ANKRD30A: variants seen among roughly 807,000 people sequenced by gnomAD.
The protein encoded by ANKRD30A is ankyrin repeat domain-containing protein 30A.
Under a neutral mutation model 166.3 loss-of-function variants are expected in ANKRD30A, and 170 were observed. The observed-to-expected ratio is 1.02, with a 90% CI of 0.90 to 1.16. The LOEUF is 1.16. Among genes scored for constraint, ANKRD30A ranks in the 50% most tolerant of loss-of-function variants. The probability of loss-of-function intolerance (pLI) is 0.00; values close to 1 mark genes in which losing one functional copy is unlikely to be tolerated. For synonymous variants in ANKRD30A, 564 were observed against 508.9 expected (o/e 1.11, Z -1.46); for missense variants, 1,630 against 1,518.0 (o/e 1.07, Z -1.23).
At chr10:37,259,670 T>C in the ANKRD30A span, among the ~76,000 whole-genome samples, 2 of 152,144 alleles carry the variant, frequency 1.3e-5, no homozygotes, top group South Asian at 2.1e-4. Flanking sequence ...TGAAAATAAA[T>C]AAACTATGGC....
chr10:37,237,616 A>G, the ANKRD30A span, among the ~76,000 whole-genome samples: 13 of 152,184 alleles, frequency 8.5e-5, no homozygotes, highest in African/African-American at 2.7e-4. Context: ...AAGAAAAAAA[A>G]AGTCAGTGTA....
chr10:37,229,596 T>TCCTC (rs1355098708), intron 34 of ANKRD30A, among the ~76,000 whole-genome samples: 1 of 151,936 alleles, frequency 6.6e-6, no homozygotes, highest in African/African-American at 2.4e-5. Flanking sequence ...CCAGAACTCA[T>TCCTC]CCTCCTATCT....
the ANKRD30A span, among the ~76,000 whole-genome samples, chr10:37,243,057 G>A: frequency 6.6e-6 from 1 of 150,972 alleles, no homozygotes; most frequent in South Asian, 2.1e-4. Flanking sequence ...ACTAGTAATT[G>A]TATAAATATT....
chr10:37,156,134 C>T (rs951915271), intron 13 of ANKRD30A, among the ~76,000 whole-genome samples: 5 of 151,298 alleles, frequency 3.3e-5, no homozygotes, highest in African/African-American at 7.3e-5. Flanking sequence ...TTTAATTAGA[C>T]GCTATTCATG....
At chr10:37,196,134 G>T (rs1221503814) in intron 27 of ANKRD30A, among the ~76,000 whole-genome samples, 2 of 141,054 alleles carry the variant, frequency 1.4e-5, no homozygotes, top group African/African-American at 5.4e-5. Context: ...ATTCTAGGCA[G>T]GTAACAGGGG....
chr10:37,183,809 A>G (rs1179940329), intron 24 of ANKRD30A, among the ~76,000 whole-genome samples: 2 of 148,188 alleles, frequency 1.3e-5, no homozygotes, highest in African/African-American at 4.9e-5. Flanking sequence ...ATTGTCAACC[A>G]CATTACTTTA....
chr10:37,142,409 A>G, intron 7 of ANKRD30A, 119 bp downstream of exon 7: 1 of 878,472 alleles, frequency 1.1e-6, no homozygotes, highest in Non-Finnish European at 1.7e-6. Context: ...GAGCTTAGGC[A>G]ACACTTTTTA....
intron 13 of ANKRD30A, 76 bp downstream of exon 13, chr10:37,153,738 A>T (rs564796978): frequency 6.4e-7 from 1 of 1,569,124 alleles, no homozygotes; most frequent in South Asian, 1.2e-5. Context: ...ATCCTCTAGT[A>T]GCTGAAGAAA....
At chr10:37,126,973 G>A (rs1311850755) in intron 1 of ANKRD30A, among the ~76,000 whole-genome samples, 1 of 139,960 alleles carries the variant, frequency 7.1e-6, no homozygotes, top group East Asian at 2.2e-4. Flanking sequence ...CTTGAACCCG[G>A]TAGGCGGAGA....
At chr10:37,224,000 G>A (rs1486459326) in intron 34 of ANKRD30A, among the ~76,000 whole-genome samples, 1 of 151,024 alleles carries the variant, frequency 6.6e-6, no homozygotes, top group Non-Finnish European at 1.5e-5. Flanking sequence ...TTAAAACTGA[G>A]ATACAAGTTT....
At chr10:37,201,088 G>GTT (rs5784545) in intron 30 of ANKRD30A, 147 bp from the exon 31 acceptor site, 113 of 498,732 alleles carry the variant, frequency 2.3e-4, no homozygotes, top group Non-Finnish European at 3.1e-4. Context: ...CTATTAAAAT[G>GTT]TTTTTTTTTA....
chr10:37,154,842 A>G (rs1349639472), intron 13 of ANKRD30A, among the ~76,000 whole-genome samples: 1 of 152,184 alleles, frequency 6.6e-6, no homozygotes, highest in Non-Finnish European at 1.5e-5. Flanking sequence ...TACTGGAATC[A>G]TGAGGATTAC....
At chr10:37,159,088 G>A (rs912698492) in intron 15 of ANKRD30A, among the ~76,000 whole-genome samples, 12 of 152,048 alleles carry the variant, frequency 7.9e-5, no homozygotes, top group African/African-American at 2.4e-5. Flanking sequence ...ATGACTCTTT[G>A]CTAGACATAG....
intron 25 of ANKRD30A, among the ~76,000 whole-genome samples, chr10:37,192,595 C>G (rs1273297296): frequency 6.6e-6 from 1 of 152,014 alleles, no homozygotes; most frequent in Non-Finnish European, 1.5e-5. Context: ...AACTCCAGGA[C>G]AAATTGAAGA....
chr10:37,233,379 A>G (rs552646732), downstream of ANKRD30A, among the ~76,000 whole-genome samples: 27 of 152,280 alleles, frequency 1.8e-4, no homozygotes, highest in African/African-American at 6.3e-4. Context: ...GTTAGTCATG[A>G]TGCACATATG....
the ANKRD30A span, among the ~76,000 whole-genome samples, chr10:37,247,637 C>T: frequency 1.0e-3 from 153 of 150,824 alleles, 1 homozygote; most frequent in Middle Eastern, 6.9e-3. Context: ...TTTGGGAGGC[C>T]GAGGCGGGCA....
At chr10:37,213,556 C>CTT (rs397965588) in intron 31 of ANKRD30A, among the ~76,000 whole-genome samples, 31 of 132,536 alleles carry the variant, frequency 2.3e-4, no homozygotes, top group African/African-American at 7.2e-4. Flanking sequence ...TCTTCTTCTT[C>CTT]TTTTTTTTTT....
At chr10:37,136,542 G>T in intron 5 of ANKRD30A, 65 bp from the exon 6 acceptor site, 1 of 705,752 alleles carries the variant, frequency 1.4e-6, no homozygotes, top group Non-Finnish European at 2.3e-6. Context: ...TAATAAATTT[G>T]GTAAATGTTT....
In ANKRD30A at chr10:37,219,564, A is replaced by C. The variant is rs1485681911; in HGVS notation, c.3852A>C (p.Ala1284=). Residue 1284 remains alanine (A), a synonymous_variant, in exon 34 of 36, where the codon GCA becomes GCC. Transcript: ENST00000361713. ...AAAATACATTGGTTTCAGAACATGC[A>C]CAAAGAGACCAACGTGAAACACAGT... The part of the protein sequence containing the change: ...LRENTLVSEH[A]QRDQRETQCQ... The C allele has an allele frequency of 1.2e-6, 2 of 1,610,428 alleles. No individual in the cohort carries two copies. The highest frequency in any genetic ancestry group is 1.7e-6 in the Non-Finnish European group (2 of 1,177,742).
Sources: allele counts gnomAD v4.1 joint callset (sites outside exome capture counted in the v4.1 genomes callset), GRCh38; gene constraint gnomAD v4.1.1; transcripts MANE v1.5; gene names NCBI Gene and HGNC (gene_info 2026-07-23, HGNC 2026-07-21).